Variants in CYP39A1 observed in about 807,000 individuals in gnomAD.
CYP39A1 encodes the protein 24-hydroxycholesterol 7-alpha-hydroxylase.
A neutral mutation model predicts 58.1 loss-of-function variants in CYP39A1; 49 were observed. That is an observed-to-expected ratio of 0.84 (90% CI 0.67 to 1.07). CYP39A1 has a LOEUF of 1.07. Ranked by LOEUF, CYP39A1 falls within the 50% of genes least tolerant of loss-of-function variation. The probability of loss-of-function intolerance (pLI) is 0.00; values close to 1 mark genes in which losing one functional copy is unlikely to be tolerated. For missense variants in CYP39A1, 531 were observed against 539.4 expected (o/e 0.98, Z 0.16); for synonymous variants, 209 against 187.6 (o/e 1.11, Z -0.93).
intron 11 of CYP39A1, among the ~76,000 whole-genome samples, chr6:46,552,476 T>C (rs968611519): frequency 1.3e-5 from 2 of 152,228 alleles, no homozygotes; most frequent in African/African-American, 4.8e-5. Flanking sequence ...AAATACTTTC[T>C]GTGTCACTTA....
chr6:46,604,560 C>T lies in CYP39A1; in HGVS notation c.932-8440G>A, dbSNP rs7771492. Among the ~76,000 whole-genome samples the T allele has an allele frequency of 2.8e-4, 43 of 152,208 alleles. 1 individual carries two copies. The East Asian group carries it at 7.3e-3, about 26-fold the overall frequency. On this transcript the variant is annotated intron_variant, in intron 7 of 11. Transcript: ENST00000275016. ...CCATGTTTGTCCACCTGATGATCTA[C>T]GAATCAGAATTCAAAAGTGAGATGA...
rs558712629 is a variant in CYP39A1 at position 46,575,704 on chromosome 6, C to T, written c.1250+11373G>A. ...TGTTGTTGCCAACAGACTGGAAACA[C>T]CTCAAACGCTCCAGCACAGCCCGTG... On this transcript the variant is annotated intron_variant, in intron 10 of 11. Transcript: ENST00000275016. Among the ~76,000 whole-genome samples the T allele has an allele frequency of 6.2e-4, 94 of 152,292 alleles. 1 individual carries two copies. The South Asian group carries it at 0.019, about 30-fold the overall frequency.
chr6:46,554,547 T>G (rs536079278), intron 10 of CYP39A1, among the ~76,000 whole-genome samples: 2 of 152,362 alleles, frequency 1.3e-5, no homozygotes, highest in Admixed American at 1.3e-4. Context: ...ACTCATTTAT[T>G]TTAAATTATG....
In CYP39A1 at chr6:46,588,449, T is replaced by G. The variant is rs568999126; in HGVS notation, c.1066-320A>C. 6.0e-4 allele frequency among the ~76,000 whole-genome samples: 92 copies of G among 152,208 alleles called. 1 individual carries two copies. In the South Asian group the frequency reaches 0.018, roughly 30 times the overall value. On this transcript the variant is annotated intron_variant, in intron 8 of 11. Coordinates refer to ENST00000275016, the MANE Select transcript of CYP39A1 (RefSeq NM_016593.5). ...GAAATATTAGCTAAATGTCAAAATT[T>G]TAGAAACTAGTATAAGTCCCTTCTA... is the stretch of plus-strand genomic sequence containing the variant.
chr6:46,553,665 G>A (rs1482514910), intron 11 of CYP39A1, 102 bp downstream of exon 11: 2 of 764,712 alleles, frequency 2.6e-6, no homozygotes, highest in Non-Finnish European at 4.6e-6. Flanking sequence ...GCCTAAGTGA[G>A]GAAATGTCAG....
intron 10 of CYP39A1, among the ~76,000 whole-genome samples, chr6:46,576,653 G>T (rs1314685324): frequency 6.6e-6 from 1 of 152,166 alleles, no homozygotes; most frequent in East Asian, 1.9e-4. Flanking sequence ...GAACCAAACT[G>T]AATTTCTGGA....
intron 1 of CYP39A1, among the ~76,000 whole-genome samples, chr6:46,646,661 T>C (rs1041430532): frequency 6.6e-6 from 1 of 152,134 alleles, no homozygotes; most frequent in Non-Finnish European, 1.5e-5. Context: ...ACATTTGGTA[T>C]AGTTTTCCAA....
At chr6:46,586,414 G>A (rs915037695) in intron 10 of CYP39A1, 89 of 978,516 alleles carry the variant, frequency 9.1e-5, no homozygotes, top group Middle Eastern at 1.0e-3. Context: ...TATGAAGTCA[G>A]GGACCATGTT....
chr6:46,608,570 A>G (rs1338015345), intron 7 of CYP39A1, among the ~76,000 whole-genome samples: 1 of 152,048 alleles, frequency 6.6e-6, no homozygotes, highest in Non-Finnish European at 1.5e-5. Context: ...GGAGGTGATA[A>G]TATCTGAAGT....
chr6:46,570,960 A>T (rs996482039), intron 10 of CYP39A1, among the ~76,000 whole-genome samples: 28 of 152,352 alleles, frequency 1.8e-4, no homozygotes, highest in African/African-American at 6.5e-4. Context: ...AAATGTAAAC[A>T]AAGTATTATG....
chr6:46,598,370 C>A (rs1393382111), intron 7 of CYP39A1, among the ~76,000 whole-genome samples: 2 of 152,040 alleles, frequency 1.3e-5, no homozygotes, highest in African/African-American at 2.4e-5. Flanking sequence ...GCAAACCAAC[C>A]CTATTTTTAA....
intron 11 of CYP39A1, 60 bp downstream of exon 11, chr6:46,553,706 TG>T: frequency 9.0e-7 from 1 of 1,107,014 alleles, no homozygotes; most frequent in Non-Finnish European, 1.4e-6. Context: ...TTGGGGGAAG[TG>T]GGGGTGGTTA....
intron 10 of CYP39A1, among the ~76,000 whole-genome samples, chr6:46,566,871 C>T (rs1040459759): frequency 6.6e-6 from 1 of 151,690 alleles, no homozygotes; most frequent in Non-Finnish European, 1.5e-5. Flanking sequence ...CATATATGCA[C>T]ACATATATAC....
intron 7 of CYP39A1, among the ~76,000 whole-genome samples, chr6:46,601,984 C>T (rs1479063853): frequency 1.3e-5 from 2 of 152,060 alleles, no homozygotes; most frequent in Non-Finnish European, 2.9e-5. Context: ...TTTTATTTCC[C>T]TTATAGTTCC....
rs372746575 is a variant in CYP39A1, at chr6:46,602,238, A to G, written c.932-6118T>C. Among the ~76,000 whole-genome samples the G allele has an allele frequency of 4.1e-4, 63 of 152,318 alleles. 2 individuals carry two copies. In the South Asian group the frequency reaches 0.013, roughly 32 times the overall value. On this transcript the variant is annotated intron_variant, in intron 7 of 11. Transcript: ENST00000275016. ...GAAGCTTTTAATTTGTGTAACAGCA[A>G]TGGGAGGTATGTAGAGAAGTCAAAT... is the stretch of plus-strand genomic sequence containing the variant.
chr6:46,627,015 T>G, intron 6 of CYP39A1, among the ~76,000 whole-genome samples: 1 of 152,096 alleles, frequency 6.6e-6, no homozygotes, highest in East Asian at 1.9e-4. Context: ...TGGGGAGGCC[T>G]CAGGAAACTT....
At chr6:46,591,941 A>T (rs1295403618) in intron 8 of CYP39A1, among the ~76,000 whole-genome samples, 1 of 152,124 alleles carries the variant, frequency 6.6e-6, no homozygotes. Flanking sequence ...GCTTTATAAC[A>T]GGTTTTAAAG....
At chr6:46,558,927 CAG>C (rs796275884) in intron 10 of CYP39A1, among the ~76,000 whole-genome samples, 39 of 144,956 alleles carry the variant, frequency 2.7e-4, no homozygotes, top group African/African-American at 9.1e-4. Context: ...ACCTGGGAAG[CAG>C]GGGGTGCAGT....
In CYP39A1 at chr6:46,611,178, C is replaced by T. The variant is rs141481194; in HGVS notation, c.931+14240G>A. On this transcript the variant is annotated intron_variant, in intron 7 of 11. Coordinates refer to ENST00000275016, the MANE Select transcript of CYP39A1 (RefSeq NM_016593.5). ...CCTTCAGCTCTAGTTCTGACTTTTA[C>T]AAGGATGGATATGGCCTTTTGGCAT... Among the ~76,000 whole-genome samples the T allele has an allele frequency of 2.0e-3, 306 of 152,336 alleles. 2 individuals are homozygous for T. The highest frequency in any genetic ancestry group is 7.2e-3 in the African/African-American group (300 of 41,576).
Sources: gnomAD v4.1 joint callset for allele counts (sites outside exome capture counted in the v4.1 genomes callset) on GRCh38, gnomAD v4.1.1 for gene constraint, MANE v1.5 for transcripts, NCBI Gene and HGNC (gene_info 2026-07-23, HGNC 2026-07-21) for gene names.